The following PRICKLE2 variants were observed in gnomAD, a reference collection of about 807,000 sequenced individuals.
PRICKLE2 encodes the protein prickle-like protein 2.
A neutral mutation model predicts 81.4 loss-of-function variants in PRICKLE2; 21 were observed. That is an observed-to-expected ratio of 0.26 (90% CI 0.18 to 0.37). PRICKLE2 has a LOEUF of 0.37. Ranked by LOEUF, PRICKLE2 falls within the 10% of genes least tolerant of loss-of-function variation. The pLI, the probability that PRICKLE2 is intolerant of heterozygous loss-of-function variation, is 1.00. For missense variants in PRICKLE2, 940 were observed against 1,109.0 expected (o/e 0.85, Z 2.16); for synonymous variants, 456 against 421.5 (o/e 1.08, Z -1.00).
At chr3:64,177,124 C>T (rs1175235420) in intron 2 of PRICKLE2, among the ~76,000 whole-genome samples, 2 of 61,608 alleles carry the variant, frequency 3.2e-5, no homozygotes, top group South Asian at 6.9e-4. Flanking sequence ...GCCATTTTAA[C>T]CTTTTTTTTT....
intron 2 of PRICKLE2, among the ~76,000 whole-genome samples, chr3:64,196,087 G>A (rs2078447760): frequency 6.6e-6 from 1 of 152,110 alleles, no homozygotes; most frequent in South Asian, 2.1e-4. Context: ...ATGAGTCAAG[G>A]GACCTCCAAA....
chr3:64,188,825 A>G (rs2078282275), intron 2 of PRICKLE2, among the ~76,000 whole-genome samples: 3 of 152,230 alleles, frequency 2.0e-5, no homozygotes, highest in Admixed American at 2.0e-4. Flanking sequence ...GGTATTTGCC[A>G]CTGAGACTGT....
At chr3:64,214,590 T>C (rs2078843073) in intron 1 of PRICKLE2, among the ~76,000 whole-genome samples, 1 of 152,180 alleles carries the variant, frequency 6.6e-6, no homozygotes, top group Non-Finnish European at 1.5e-5. Context: ...GCTTCCTCAT[T>C]CTTACAGCAG....
chr3:64,252,954 A>C (rs2079471211), intron 2 of PRICKLE2, among the ~76,000 whole-genome samples: 2 of 152,190 alleles, frequency 1.3e-5, no homozygotes, highest in South Asian at 4.1e-4. Context: ...TGCAGGTTGG[A>C]TTCAGCCAGA....
chr3:64,194,744 A>G (rs1432579), intron 2 of PRICKLE2, among the ~76,000 whole-genome samples: 24,255 of 152,154 alleles, frequency 0.16, 1,991 homozygotes, highest in East Asian at 0.22. Flanking sequence ...TTGAGTTTGA[A>G]ATGAAATTGA....
At chr3:64,203,316 G>A (rs1490271881) in intron 1 of PRICKLE2, among the ~76,000 whole-genome samples, 3 of 152,184 alleles carry the variant, frequency 2.0e-5, no homozygotes, top group Non-Finnish European at 4.4e-5. Context: ...CAATGGTCAG[G>A]TCTGTTGGGA....
intron 7 of PRICKLE2, among the ~76,000 whole-genome samples, chr3:64,107,444 T>G (rs1482060653): frequency 6.6e-6 from 1 of 152,138 alleles, no homozygotes; most frequent in Non-Finnish European, 1.5e-5. Flanking sequence ...AGAAAAAGAC[T>G]AAGATTGAAC....
At chr3:64,115,574 A>G (rs2076920793) in intron 7 of PRICKLE2, among the ~76,000 whole-genome samples, 1 of 152,214 alleles carries the variant, frequency 6.6e-6, no homozygotes, top group African/African-American at 2.4e-5. Flanking sequence ...ACAGAGTTTA[A>G]GCCAACAAAG....
chr3:64,131,353 A>G (rs759670237), intron 7 of PRICKLE2, among the ~76,000 whole-genome samples: 1 of 152,198 alleles, frequency 6.6e-6, no homozygotes, highest in Non-Finnish European at 1.5e-5. Flanking sequence ...AACTGTGGCA[A>G]CACCCACCTG....
chr3:64,137,239 T>C (rs2077291969), intron 7 of PRICKLE2, among the ~76,000 whole-genome samples: 1 of 152,176 alleles, frequency 6.6e-6, no homozygotes, highest in Non-Finnish European at 1.5e-5. Flanking sequence ...AAGAGCTTTC[T>C]CATTTCCCTT....
At chr3:64,116,946 T>G (rs72874641) in intron 7 of PRICKLE2, among the ~76,000 whole-genome samples, 9,948 of 152,132 alleles carry the variant, frequency 0.065, 608 homozygotes, top group East Asian at 0.28. Context: ...CAAAAATTCT[T>G]AAAAAATTAC....
At chr3:64,130,042 C>A (rs1342425702) in intron 7 of PRICKLE2, among the ~76,000 whole-genome samples, 1 of 152,212 alleles carries the variant, frequency 6.6e-6, no homozygotes, top group Non-Finnish European at 1.5e-5. Context: ...AAACTACACA[C>A]TGGCAAACTG....
At chr3:64,183,433 T>C (rs1429741146) in intron 2 of PRICKLE2, among the ~76,000 whole-genome samples, 3 of 152,108 alleles carry the variant, frequency 2.0e-5, no homozygotes, top group African/African-American at 4.8e-5. Context: ...ATCAAAACTA[T>C]AGTATAACCA....
intron 1 of PRICKLE2, among the ~76,000 whole-genome samples, chr3:64,205,740 C>T (rs752634656): frequency 8.5e-5 from 13 of 152,238 alleles, no homozygotes; most frequent in South Asian, 2.1e-4. Context: ...TATTCCCCCC[C>T]GCTTCTTAAT....
chr3:64,153,585 A>T (rs1335834126), intron 5 of PRICKLE2: 2 of 556,588 alleles, frequency 3.6e-6, no homozygotes, highest in Non-Finnish European at 6.4e-6. Flanking sequence ...TTTCTGGCCT[A>T]GCCAGTAATT....
In PRICKLE2 at chr3:64,208,425, C is replaced by T. The variant is rs906145650; in HGVS notation, c.-40-9458G>A. The stretch of plus-strand genomic sequence containing the variant: ...ATACATCCCTCGCAAAAGGGGTAAG[C>T]GGAGAGTCAGAACGCCAGAAAGGAA... On this transcript the variant is annotated intron_variant, in intron 1 of 7. Transcript: ENST00000638394. Among the ~76,000 whole-genome samples the T allele has an allele frequency of 5.3e-5, 8 of 152,232 alleles. No homozygotes were observed. In the South Asian group the frequency reaches 1.2e-3, roughly 24 times the overall value.
chr3:64,122,630 G>C (rs987792802), intron 7 of PRICKLE2, among the ~76,000 whole-genome samples: 3 of 152,142 alleles, frequency 2.0e-5, no homozygotes, highest in African/African-American at 7.2e-5. Flanking sequence ...TGCCTGTTAG[G>C]TAACTCTGCC....
intron 7 of PRICKLE2, chr3:64,141,889 C>G (rs976489002): frequency 1.0e-6 from 1 of 984,960 alleles, no homozygotes. Flanking sequence ...CTAGCTTTAT[C>G]TGAAGGATCA....
chr3:64,171,258 CT>C (rs1229550298), intron 2 of PRICKLE2, among the ~76,000 whole-genome samples: 4 of 152,198 alleles, frequency 2.6e-5, no homozygotes, highest in Non-Finnish European at 4.4e-5. Context: ...CAACCCAGTA[CT>C]TCTCAAATGG....
Sources: gnomAD v4.1 joint callset for allele counts (sites outside exome capture counted in the v4.1 genomes callset) on GRCh38, gnomAD v4.1.1 for gene constraint, MANE v1.5 for transcripts, NCBI Gene and HGNC (gene_info 2026-07-23, HGNC 2026-07-21) for gene names.